Variants in MSI1 observed in about 807,000 individuals in gnomAD.
MSI1 encodes the protein musashi RNA binding protein 1.
Under a neutral mutation model 54.4 loss-of-function variants are expected in MSI1, and 15 were observed. The ratio of observed to expected loss-of-function variants is 0.28; its 90% confidence interval spans 0.18 to 0.42. MSI1 has a LOEUF of 0.42. MSI1 is among the 20% of genes least tolerant of loss of function. The pLI, the probability that MSI1 is intolerant of heterozygous loss-of-function variation, is 1.00. For synonymous variants in MSI1, 200 were observed against 196.5 expected (o/e 1.02, Z -0.15); for missense variants, 304 against 506.0 (o/e 0.60, Z 3.83).
At chr12:120,345,886 C>T (rs1419368574) in intron 13 of MSI1, among the ~76,000 whole-genome samples, 1 of 152,146 alleles carries the variant, frequency 6.6e-6, no homozygotes, top group Non-Finnish European at 1.5e-5. Context: ...ATCAAACCTC[C>T]ATGTGAGCAG....
chr12:120,340,422 G>A (rs1410322870), downstream of MSI1, among the ~76,000 whole-genome samples: 2 of 152,144 alleles, frequency 1.3e-5, no homozygotes, highest in African/African-American at 2.4e-5. Context: ...CCACATAATT[G>A]AGTGGCTTTT....
chr12:120,344,188 C>G (rs1243490501), intron 14 of MSI1, among the ~76,000 whole-genome samples: 1 of 152,074 alleles, frequency 6.6e-6, no homozygotes, highest in Non-Finnish European at 1.5e-5. Context: ...GTGTACTATA[C>G]CACTGTACAC....
intron 11 of MSI1, 29 bp downstream of exon 11, chr12:120,351,315 G>A: frequency 6.2e-7 from 1 of 1,603,522 alleles, no homozygotes. Flanking sequence ...CATGTGGCCT[G>A]AGAGGTATAC....
chr12:120,340,886 C>CTTT (rs34926125), downstream of MSI1, among the ~76,000 whole-genome samples: 28 of 119,446 alleles, frequency 2.3e-4, 1 homozygote, highest in Admixed American at 3.8e-4. Context: ...TTCTCCTATT[C>CTTT]TTTTTTTTTT....
chr12:120,362,042 C>T (rs1231283656), intron 6 of MSI1, among the ~76,000 whole-genome samples: 1 of 152,026 alleles, frequency 6.6e-6, no homozygotes, highest in African/African-American at 2.4e-5. Flanking sequence ...GCCCTACCCT[C>T]TGGGGCCCGG....
chr12:120,366,973 C>T (rs1876055929), intron 4 of MSI1, among the ~76,000 whole-genome samples: 1 of 152,198 alleles, frequency 6.6e-6, no homozygotes, highest in African/African-American at 2.4e-5. Flanking sequence ...TCTCCATTTC[C>T]AGGCTTGGGT....
At chr12:120,355,277 C>T (rs1390140788) in intron 9 of MSI1, among the ~76,000 whole-genome samples, 3 of 151,438 alleles carry the variant, frequency 2.0e-5, no homozygotes, top group Admixed American at 6.6e-5. Flanking sequence ...CGGTGGCGGG[C>T]GCCTGTAGTC....
At chr12:120,366,919 G>C (rs779527194) in intron 4 of MSI1, among the ~76,000 whole-genome samples, 2 of 152,150 alleles carry the variant, frequency 1.3e-5, no homozygotes, top group African/African-American at 4.8e-5. Flanking sequence ...AGCAGAACAG[G>C]CAGCTTGATG....
At chr12:120,365,860 A>G (rs1875983385) in intron 4 of MSI1, among the ~76,000 whole-genome samples, 1 of 152,158 alleles carries the variant, frequency 6.6e-6, no homozygotes, top group African/African-American at 2.4e-5. Context: ...CAAAGTGGGG[A>G]CAATCACACC....
chr12:120,346,020 T>C, intron 13 of MSI1, 115 bp downstream of exon 13: 1 of 945,836 alleles, frequency 1.1e-6, no homozygotes, highest in East Asian at 2.7e-5. Context: ...TCTCCATTCA[T>C]CCTCCCTCAC....
At chr12:120,344,522 A>G (rs1873949798) in intron 14 of MSI1, among the ~76,000 whole-genome samples, 1 of 150,712 alleles carries the variant, frequency 6.6e-6, no homozygotes, top group Non-Finnish European at 1.5e-5. Context: ...TGGGCCACAT[A>G]ATGAGACCCC....
chr12:120,357,089 G>T (rs907869051), intron 8 of MSI1, 70 bp from the exon 9 acceptor site: 31 of 1,361,284 alleles, frequency 2.3e-5, no homozygotes, highest in Non-Finnish European at 3.1e-5. Context: ...TCCCTGGAAA[G>T]CCCCTTTATT....
At chr12:120,353,028 G>A (rs1011367816) in intron 10 of MSI1, among the ~76,000 whole-genome samples, 1 of 152,044 alleles carries the variant, frequency 6.6e-6, no homozygotes. Flanking sequence ...GAGTCGGGTG[G>A]GGAGGAGAGA....
At chr12:120,352,954 A>T (rs1387497048) in intron 10 of MSI1, among the ~76,000 whole-genome samples, 1 of 152,142 alleles carries the variant, frequency 6.6e-6, no homozygotes, top group Non-Finnish European at 1.5e-5. Context: ...TGCAACCAAC[A>T]ATGGCCCTCG....
chr12:120,353,076 C>T (rs1403142800), intron 10 of MSI1, among the ~76,000 whole-genome samples: 17 of 146,054 alleles, frequency 1.2e-4, no homozygotes, highest in Non-Finnish European at 1.5e-5. Flanking sequence ...TGGGAGAAAA[C>T]GGTGCCATGC....
At chr12:120,359,102 A>C (rs1875411001) in intron 6 of MSI1, 49 bp from the exon 7 acceptor site, 1 of 1,550,532 alleles carries the variant, frequency 6.4e-7, no homozygotes. Flanking sequence ...AGCGGAACCC[A>C]CTACCACCAA....
At chr12:120,356,208 A>G (rs1875103152) in intron 9 of MSI1, among the ~76,000 whole-genome samples, 1 of 152,174 alleles carries the variant, frequency 6.6e-6, no homozygotes. Flanking sequence ...CCATGAGAGC[A>G]GGCTCTCCTT....
At chr12:120,367,869 G>A (rs1029880813) in intron 4 of MSI1, 139 bp downstream of exon 4, 1 of 811,102 alleles carries the variant, frequency 1.2e-6, no homozygotes, top group Admixed American at 2.7e-5. Context: ...AAGTTTCAGA[G>A]CATGGCAGCC....
chr12:120,358,025 T>G, intron 7 of MSI1, 127 bp from the exon 8 acceptor site: 2 of 762,094 alleles, frequency 2.6e-6, no homozygotes. Flanking sequence ...AAGGCTCTGC[T>G]CACAGCCTGG....
Sources: allele counts gnomAD v4.1 joint callset (sites outside exome capture counted in the v4.1 genomes callset), GRCh38; gene constraint gnomAD v4.1.1; transcripts MANE v1.5; gene names NCBI Gene and HGNC (gene_info 2026-07-23, HGNC 2026-07-21).